Variants in CHD6 observed in about 807,000 individuals in gnomAD.
The protein encoded by CHD6 is chromodomain helicase DNA binding protein 6.
CHD6 carries 50 observed loss-of-function variants against 276.9 expected under a neutral mutation model. The observed-to-expected ratio is 0.18, with a 90% CI of 0.14 to 0.23. The LOEUF (loss-of-function observed/expected upper bound fraction) is 0.23. Among genes scored for constraint, CHD6 ranks in the 10% least tolerant of loss-of-function variants. The pLI, the probability that CHD6 is intolerant of heterozygous loss-of-function variation, is 1.00. For missense variants in CHD6, 2,564 were observed against 3,365.8 expected, an observed-to-expected ratio of 0.76 and a Z score of 5.89; for synonymous variants, 1,173 against 1,229.3, an observed-to-expected ratio of 0.95 and a Z score of 0.96.
chr20:41,445,016 T>C (rs2048021165), intron 25 of CHD6, among the ~76,000 whole-genome samples: 1 of 152,178 alleles, frequency 6.6e-6, no homozygotes, highest in Non-Finnish European at 1.5e-5. Context: ...CACTTGACAC[T>C]TTCATCATTC....
chr20:41,449,724 A>C (rs1162112396), intron 23 of CHD6, among the ~76,000 whole-genome samples: 2 of 152,180 alleles, frequency 1.3e-5, no homozygotes, highest in Non-Finnish European at 2.9e-5. Flanking sequence ...ATACTTCCAT[A>C]ATGTGCACAC....
chr20:41,551,198 A>G (rs1017506935), intron 2 of CHD6, 107 bp downstream of exon 2: 3 of 746,148 alleles, frequency 4.0e-6, no homozygotes, highest in East Asian at 2.7e-5. Flanking sequence ...GGCAACAGGG[A>G]AAGTACCAGA....
At chr20:41,440,247 ATTAT>A in intron 25 of CHD6, 118 bp from the exon 26 acceptor site, 1 of 907,144 alleles carries the variant, frequency 1.1e-6, no homozygotes, top group Non-Finnish European at 1.7e-6. Context: ...CAAAAAAATA[ATTAT>A]TTAAGATTAA....
chr20:41,542,935 T>C (rs1389143727), intron 2 of CHD6, among the ~76,000 whole-genome samples: 1 of 151,602 alleles, frequency 6.6e-6, no homozygotes, highest in Non-Finnish European at 1.5e-5. Flanking sequence ...AAACCCCATC[T>C]CTACTAAAAA....
rs755113036 is a variant in CHD6, at chr20:41,498,779, G to GTGTATGTATGTA, written c.915+504_915+515dup. Among the ~76,000 whole-genome samples, 5 of 145,738 alleles carry GTGTATGTATGTA rather than the reference G, an allele frequency of 3.4e-5. No individual in the cohort carries two copies. In the East Asian group the frequency reaches 6.2e-4, roughly 18 times the overall value. On this transcript the variant is annotated intron_variant, in intron 6 of 36. Coordinates refer to ENST00000373233, the MANE Select transcript of CHD6 (RefSeq NM_032221.5). Reference sequence around the variant, plus strand: ...TTAGGACTCATATGGGTGTGTATGTGTGTATGTATGTATGTATGTATGTAT... The same window carrying GTGTATGTATGTA: ...TTAGGACTCATATGGGTGTGTATGTGTGTATGTATGTATGTATGTATGTATGTATGTATGTAT...
intron 1 of CHD6, among the ~76,000 whole-genome samples, chr20:41,555,217 G>A (rs1180532675): frequency 9.6e-5 from 13 of 135,002 alleles, no homozygotes; most frequent in Non-Finnish European, 1.4e-4. Context: ...CGGATGGGGC[G>A]GCTGGCCGGG....
At chr20:41,606,904 C>T (rs2045835850) in intron 1 of CHD6, among the ~76,000 whole-genome samples, 1 of 152,234 alleles carries the variant, frequency 6.6e-6, no homozygotes, top group African/African-American at 2.4e-5. Flanking sequence ...TTCTAATACA[C>T]AACAAAGTTT....
intron 17 of CHD6, among the ~76,000 whole-genome samples, chr20:41,469,760 C>T (rs1450132481): frequency 6.6e-6 from 1 of 152,200 alleles, no homozygotes; most frequent in Non-Finnish European, 1.5e-5. Context: ...GTGGCACTTA[C>T]CTGACTCTAG....
rs530042992 is a variant in CHD6, at chr20:41,610,715, G to A, written c.-24+7625C>T. 4.6e-5 allele frequency among the ~76,000 whole-genome samples: 7 copies of A among 152,054 alleles called. No individual in the cohort carries two copies. The East Asian group carries it at 9.7e-4, about 21-fold the overall frequency. On this transcript the variant is annotated intron_variant, in intron 1 of 36. Transcript: ENST00000373233. The stretch of plus-strand genomic sequence containing the variant: ...GGAGCTTGCAGTGAGCTGAGATCGC[G>A]CCACTGCACTCCAGCCTGGGTGACA...
intron 1 of CHD6, among the ~76,000 whole-genome samples, chr20:41,610,391 G>A (rs1245718311): frequency 1.3e-5 from 2 of 152,070 alleles, no homozygotes; most frequent in Non-Finnish European, 1.5e-5. Flanking sequence ...TATTGGAAAG[G>A]GAGGAGAGGA....
At chr20:41,564,586 T>G (rs2045335907) in intron 1 of CHD6, among the ~76,000 whole-genome samples, 1 of 152,202 alleles carries the variant, frequency 6.6e-6, no homozygotes. Context: ...GATTGTGATG[T>G]TCATTACACA....
chr20:41,562,778 T>C (rs532702432), intron 1 of CHD6, among the ~76,000 whole-genome samples: 1 of 152,230 alleles, frequency 6.6e-6, no homozygotes, highest in South Asian at 2.1e-4. Flanking sequence ...GTCTAACTAA[T>C]ATTAGCATAG....
chr20:41,481,219 C>A (rs534917232), intron 16 of CHD6, among the ~76,000 whole-genome samples: 1 of 151,398 alleles, frequency 6.6e-6, no homozygotes, highest in East Asian at 1.9e-4. Context: ...TAAGTTCAGG[C>A]CTAAAAAAGG....
At chr20:41,562,766 T>C (rs1273436415) in intron 1 of CHD6, among the ~76,000 whole-genome samples, 1 of 152,222 alleles carries the variant, frequency 6.6e-6, no homozygotes, top group African/African-American at 2.4e-5. Context: ...ATTTTGACTA[T>C]TGTCTAACTA....
intron 16 of CHD6, among the ~76,000 whole-genome samples, chr20:41,481,465 TACTC>T (rs567558501): frequency 1.4e-3 from 208 of 151,888 alleles, no homozygotes; most frequent in African/African-American, 4.6e-3. Flanking sequence ...TATGAAAAAA[TACTC>T]ACTCTCATTA....
Position 41,488,619 on chromosome 20 carries a change from A to G in CHD6, c.1681-15T>C. Reference sequence around the variant, plus strand: ...AGGGGGTTTCCCTGAGGATGACACAACCAAAGTCAAAGCTTTACACCATGG... The same window carrying G: ...AGGGGGTTTCCCTGAGGATGACACAGCCAAAGTCAAAGCTTTACACCATGG... On this transcript the variant is annotated splice_polypyrimidine_tract_variant and intron_variant, in intron 12 of 36. Coordinates refer to ENST00000373233, the MANE Select transcript of CHD6 (RefSeq NM_032221.5). The G allele has an allele frequency of 1.2e-6, 2 of 1,609,142 alleles. No individual in the cohort carries two copies. Among genetic ancestry groups the G allele is most frequent in the Non-Finnish European group, 1.7e-6 (2 of 1,177,774 alleles).
chr20:41,560,726 C>T (rs78623527), intron 1 of CHD6, among the ~76,000 whole-genome samples: 2 of 149,092 alleles, frequency 1.3e-5, no homozygotes, highest in African/African-American at 4.9e-5. Flanking sequence ...CTAGTGACCT[C>T]TTTTTTTTTT....
chr20:41,501,930 A>T (rs918781060), intron 5 of CHD6, among the ~76,000 whole-genome samples: 4 of 152,168 alleles, frequency 2.6e-5, no homozygotes, highest in Non-Finnish European at 4.4e-5. Flanking sequence ...CTTACTGGAC[A>T]TTTGGATATC....
intron 24 of CHD6, 138 bp downstream of exon 24, chr20:41,447,744 C>T: frequency 1.9e-6 from 1 of 514,648 alleles, no homozygotes; most frequent in Non-Finnish European, 3.5e-6. Context: ...GCCTGTTCTC[C>T]CATCTGGGAC....
Sources: allele counts gnomAD v4.1 joint callset (sites outside exome capture counted in the v4.1 genomes callset), GRCh38; gene constraint gnomAD v4.1.1; transcripts MANE v1.5; gene names NCBI Gene and HGNC (gene_info 2026-07-23, HGNC 2026-07-21).